RYR2: variants seen among roughly 807,000 people sequenced by gnomAD.
The protein encoded by RYR2 is cardiac muscle ryanodine receptor-calcium release channel.
RYR2 carries 227 observed loss-of-function variants against 601.1 expected under a neutral mutation model. That is an observed-to-expected ratio of 0.38 (90% CI 0.34 to 0.42). RYR2 has a LOEUF of 0.42. Ranked by LOEUF, RYR2 falls within the 10% of genes least tolerant of loss-of-function variation. The pLI is 1.00. For missense variants in RYR2, 4,646 were observed against 6,156.5 expected, an observed-to-expected ratio of 0.75 and a Z score of 8.21; for synonymous variants, 2,223 against 2,175.1, an observed-to-expected ratio of 1.02 and a Z score of -0.61.
chr1:237,316,129 T>A (rs1695088049), intron 2 of RYR2, among the ~76,000 whole-genome samples: 1 of 152,136 alleles, frequency 6.6e-6, no homozygotes, highest in Admixed American at 6.6e-5. Context: ...ACAACTAATT[T>A]TAGAAATTAC....
intron 25 of RYR2, among the ~76,000 whole-genome samples, chr1:237,535,763 T>C (rs1267018855): frequency 6.6e-6 from 1 of 152,220 alleles, no homozygotes; most frequent in Non-Finnish European, 1.5e-5. Context: ...GAGTTTATCC[T>C]AGTAGTGAAA....
At chr1:237,368,433 G>A (rs540648117) in intron 5 of RYR2, among the ~76,000 whole-genome samples, 1 of 152,294 alleles carries the variant, frequency 6.6e-6, no homozygotes, top group South Asian at 2.1e-4. Context: ...GGCATATTCA[G>A]GGAAGGGAAA....
intron 51 of RYR2, 87 bp downstream of exon 51, chr1:237,651,588 T>A: frequency 2.3e-6 from 2 of 857,694 alleles, no homozygotes. Flanking sequence ...CTTAGATACA[T>A]CATGCTTGAC....
intron 38 of RYR2, among the ~76,000 whole-genome samples, chr1:237,619,016 C>A (rs920754581): frequency 6.6e-6 from 1 of 152,096 alleles, no homozygotes; most frequent in African/African-American, 2.4e-5. Flanking sequence ...ATGGACTTCG[C>A]CTCCCACCTG....
chr1:237,351,415 T>G (rs949897857), intron 3 of RYR2, among the ~76,000 whole-genome samples: 2 of 152,016 alleles, frequency 1.3e-5, no homozygotes, highest in African/African-American at 4.8e-5. Context: ...AATAGCTGGA[T>G]TTTTGAAATG....
intron 34 of RYR2, among the ~76,000 whole-genome samples, chr1:237,601,372 C>T (rs532287063): frequency 6.4e-4 from 98 of 151,958 alleles, no homozygotes; most frequent in East Asian, 1.9e-4. Context: ...TATGTAGAAT[C>T]GAAAAAAGTT....
intron 1 of RYR2, among the ~76,000 whole-genome samples, chr1:237,217,232 A>C (rs1360507096): frequency 1.3e-5 from 2 of 152,168 alleles, no homozygotes; most frequent in Non-Finnish European, 2.9e-5. Context: ...GCATTATTAT[A>C]ATGTAACCTT....
chr1:237,666,542 C>G lies in RYR2; in HGVS notation c.8467C>G (p.Pro2823Ala). The change falls in exon 57 of 105, where the codon CCC becomes GCC. Residue 2823 changes from proline (P) to alanine (A), a missense_variant. Transcript: ENST00000366574. ...VSVDAAHGYS[P>A]RAIDMSNVTL... ...TGTGGACGCTGCCCATGGTTACAGT[C>G]CCCGGGCCATTGACATGAGCAATGT... The G allele has an allele frequency of 6.2e-7, 1 of 1,612,360 alleles. No individual in the cohort carries two copies. Among genetic ancestry groups the G allele is most frequent in the Non-Finnish European group, 8.5e-7 (1 of 1,179,210 alleles).
intron 1 of RYR2, among the ~76,000 whole-genome samples, chr1:237,204,301 G>A (rs1396566013): frequency 1.3e-5 from 2 of 152,152 alleles, no homozygotes; most frequent in South Asian, 2.1e-4. Flanking sequence ...GAGCCACCAC[G>A]CCTGGCCCAT....
intron 81 of RYR2, among the ~76,000 whole-genome samples, chr1:237,757,252 A>G (rs1693036820): frequency 6.6e-6 from 1 of 152,210 alleles, no homozygotes; most frequent in South Asian, 2.1e-4. Flanking sequence ...TGTCAAACAT[A>G]TTAAAATAAA....
intron 100 of RYR2, among the ~76,000 whole-genome samples, chr1:237,812,010 A>AT (rs570857785): frequency 2.8e-4 from 43 of 152,302 alleles, no homozygotes; most frequent in African/African-American, 9.6e-4. Context: ...AAGTGCTTAT[A>AT]TAGCACTTGG....
intron 1 of RYR2, among the ~76,000 whole-genome samples, chr1:237,151,186 A>G (rs1378881672): frequency 3.9e-5 from 6 of 152,198 alleles, no homozygotes; most frequent in Non-Finnish European, 5.9e-5. Flanking sequence ...GCTTGATATT[A>G]AGAAATTCAT....
rs573495127 is a variant in RYR2, at chr1:237,126,472, AC to A, written c.48+83905del. Reference sequence around the variant, plus strand: ...CCTCTTGGGACTCTTCTGATGGGCAACCTTTTATCTCCCTCCCTCCTACCCC... The same window carrying A: ...CCTCTTGGGACTCTTCTGATGGGCAACTTTTATCTCCCTCCCTCCTACCCC... On this transcript the variant is annotated intron_variant, in intron 1 of 104. Transcript: ENST00000366574. Among the ~76,000 whole-genome samples, 38 of 152,082 alleles carry A rather than the reference AC, an allele frequency of 2.5e-4. 1 individual carries two copies. The South Asian group carries it at 4.0e-3, about 16-fold the overall frequency.
intron 10 of RYR2, among the ~76,000 whole-genome samples, chr1:237,409,176 A>G (rs888453304): frequency 6.6e-6 from 1 of 152,034 alleles, no homozygotes; most frequent in Non-Finnish European, 1.5e-5. Flanking sequence ...ATGTTATTGC[A>G]TTATCTAGAA....
intron 66 of RYR2, among the ~76,000 whole-genome samples, chr1:237,704,351 C>G (rs1358848709): frequency 1.3e-5 from 2 of 151,988 alleles, no homozygotes; most frequent in African/African-American, 4.8e-5. Context: ...AAATCATCAA[C>G]CATTTGTAAA....
At chr1:237,072,124 A>C (rs1437943178) in intron 1 of RYR2, among the ~76,000 whole-genome samples, 1 of 152,174 alleles carries the variant, frequency 6.6e-6, no homozygotes, top group South Asian at 2.1e-4. Context: ...TGCCTGCAGC[A>C]TGGGGCTCCC....
At chr1:237,451,056 C>T (rs1658033292) in intron 14 of RYR2, among the ~76,000 whole-genome samples, 1 of 147,144 alleles carries the variant, frequency 6.8e-6, no homozygotes, top group Admixed American at 6.8e-5. Context: ...TATATATAAA[C>T]TTGCAAGTTT....
Position 237,116,200 on chromosome 1 carries a change from A to G in RYR2, c.48+73631A>G, listed in dbSNP as rs116709636. 9.1e-3 allele frequency among the ~76,000 whole-genome samples: 1,380 copies of G among 152,132 alleles called. 14 individuals carry two copies. The highest frequency in any genetic ancestry group is 0.022 in the African/African-American group (908 of 41,490). On this transcript the variant is annotated intron_variant, in intron 1 of 104. Transcript: ENST00000366574. ...TCTTGTCCTTGTTTTGCAGAAGGGG[A>G]AGGGGAACCAGGCTGAACGACTTGC...
At chr1:237,538,250 C>T (rs1435964400) in intron 25 of RYR2, among the ~76,000 whole-genome samples, 2 of 150,780 alleles carry the variant, frequency 1.3e-5, no homozygotes, top group Non-Finnish European at 3.0e-5. Flanking sequence ...AAAAAATTAG[C>T]CAGGCATGGT....
Sources: allele counts gnomAD v4.1 joint callset (sites outside exome capture counted in the v4.1 genomes callset), GRCh38; gene constraint gnomAD v4.1.1; transcripts MANE v1.5; gene names NCBI Gene and HGNC (gene_info 2026-07-23, HGNC 2026-07-21).